The following KRABD5 variants were observed in gnomAD, a reference collection of about 807,000 sequenced individuals.
KRABD5 encodes the protein KRAB domain containing 5, also known as KRAB domain-containing protein 5.
At chr16:31,753,461 G>A in the KRABD5 span, among the ~76,000 whole-genome samples, 8 of 152,152 alleles carry the variant, frequency 5.3e-5, no homozygotes, top group African/African-American at 1.4e-4. Context: ...TCCTGAGAGC[G>A]AAACAGAATG....
the KRABD5 span, chr16:31,759,553 AT>A: frequency 8.0e-6 from 7 of 874,716 alleles, no homozygotes; most frequent in African/African-American, 5.0e-5. Flanking sequence ...CACAAAAAAA[AT>A]CTTAAAAAAA....
the KRABD5 span, chr16:31,713,396 C>T: frequency 6.2e-7 from 1 of 1,600,612 alleles, no homozygotes; most frequent in East Asian, 2.2e-5. Flanking sequence ...CCGGGAGATC[C>T]GTAGCTCAGA....
the KRABD5 span, among the ~76,000 whole-genome samples, chr16:31,733,206 A>C: frequency 6.6e-6 from 1 of 151,966 alleles, no homozygotes; most frequent in South Asian, 2.1e-4. Context: ...TTTGTTCATG[A>C]CTTATCTTGT....
chr16:31,751,210 T>C, the KRABD5 span, among the ~76,000 whole-genome samples: 1 of 152,216 alleles, frequency 6.6e-6, no homozygotes, highest in Non-Finnish European at 1.5e-5. Context: ...GTTGAAGATT[T>C]TTGTGTCTAT....
At chr16:31,735,219 A>G in the KRABD5 span, among the ~76,000 whole-genome samples, 1 of 151,780 alleles carries the variant, frequency 6.6e-6, no homozygotes, top group Non-Finnish European at 1.5e-5. Flanking sequence ...TGGTTCATCC[A>G]TGTTATTGCA....
chr16:31,753,990 C>A, the KRABD5 span: 1 of 1,478,206 alleles, frequency 6.8e-7, no homozygotes, highest in Non-Finnish European at 9.3e-7. Context: ...TACAGGAGGT[C>A]AAAAACATGA....
chr16:31,745,932 G>T, the KRABD5 span, among the ~76,000 whole-genome samples: 20 of 151,910 alleles, frequency 1.3e-4, no homozygotes, highest in African/African-American at 4.8e-4. Context: ...CAGAAACTAG[G>T]ATTGCAACCC....
the KRABD5 span, among the ~76,000 whole-genome samples, chr16:31,743,279 A>G: frequency 2.6e-5 from 4 of 152,140 alleles, no homozygotes; most frequent in East Asian, 7.7e-4. Context: ...TCTTTAGTCC[A>G]TCTTGAGTTA....
the KRABD5 span, among the ~76,000 whole-genome samples, chr16:31,723,046 T>C: frequency 8.9e-4 from 136 of 152,358 alleles, no homozygotes; most frequent in African/African-American, 3.2e-3. Context: ...TTCCTTCTCC[T>C]TATTTTTGAT....
At chr16:31,714,802 G>A in the KRABD5 span, among the ~76,000 whole-genome samples, 20 of 152,302 alleles carry the variant, frequency 1.3e-4, no homozygotes, top group Admixed American at 5.9e-4. Context: ...AGGCGGATGT[G>A]GTCGAGGTTG....
At chr16:31,755,969 C>T in the KRABD5 span, 1 of 163,370 alleles carries the variant, frequency 6.1e-6, no homozygotes, top group African/African-American at 2.4e-5. Context: ...TTATGTGTTT[C>T]AAATGAGCAA....
chr16:31,714,614 C>T, the KRABD5 span, among the ~76,000 whole-genome samples: 1 of 152,206 alleles, frequency 6.6e-6, no homozygotes, highest in South Asian at 2.1e-4. Context: ...TGGAATAACC[C>T]TGACTAGGCA....
the KRABD5 span, among the ~76,000 whole-genome samples, chr16:31,717,280 GCCA>G: frequency 6.6e-6 from 1 of 152,196 alleles, no homozygotes; most frequent in Non-Finnish European, 1.5e-5. Flanking sequence ...ACAGGCGTGA[GCCA>G]CTGTGCCTGG....
chr16:31,739,846 C>G, the KRABD5 span, among the ~76,000 whole-genome samples: 2 of 152,176 alleles, frequency 1.3e-5, no homozygotes, highest in Admixed American at 6.5e-5. Flanking sequence ...ACACCTGGCC[C>G]ACCCAGGGTG....
the KRABD5 span, chr16:31,755,038 G>A: frequency 6.3e-6 from 3 of 476,544 alleles, no homozygotes; most frequent in African/African-American, 6.0e-5. Flanking sequence ...ATACTGGAGA[G>A]AAACCTTACA....
chr16:31,724,064 G>A, the KRABD5 span, among the ~76,000 whole-genome samples: 1 of 152,120 alleles, frequency 6.6e-6, no homozygotes, highest in African/African-American at 2.4e-5. Context: ...ATGTCTATGG[G>A]AAGCTTACAA....
At chr16:31,732,043 G>T in the KRABD5 span, among the ~76,000 whole-genome samples, 3 of 152,180 alleles carry the variant, frequency 2.0e-5, no homozygotes, top group African/African-American at 7.2e-5. Context: ...CTGGATTCTT[G>T]GAAGATTTTT....
chr16:31,755,689 T>C, the KRABD5 span: 1 of 439,252 alleles, frequency 2.3e-6, no homozygotes, highest in South Asian at 1.7e-5. Flanking sequence ...TTACTCGACA[T>C]AAAAGTATTC....
the KRABD5 span, chr16:31,723,313 C>T: frequency 5.0e-6 from 8 of 1,613,908 alleles, no homozygotes; most frequent in Non-Finnish European, 5.9e-6. Flanking sequence ...GGAAAGAGCC[C>T]TGGAATGTGA....
Sources: allele counts gnomAD v4.1 joint callset (sites outside exome capture counted in the v4.1 genomes callset), GRCh38; gene constraint gnomAD v4.1.1; transcripts MANE v1.5; gene names NCBI Gene and HGNC (gene_info 2026-07-23, HGNC 2026-07-21).